EPHA7: variants seen among roughly 807,000 people sequenced by gnomAD.
EPHA7 encodes EPH receptor A7.
In EPHA7, 25 loss-of-function variants were observed where a neutral mutation model predicts 112.6. The observed-to-expected ratio is 0.22, with a 90% CI of 0.16 to 0.31. The LOEUF (loss-of-function observed/expected upper bound fraction) is 0.31, where lower values mean the gene tolerates loss of function less well. EPHA7 is among the 10% of genes least tolerant of loss of function. The pLI, the probability that EPHA7 is intolerant of heterozygous loss-of-function variation, is 1.00. For missense variants in EPHA7, 962 were observed against 1,212.6 expected (o/e 0.79, Z 3.07); for synonymous variants, 437 against 406.5 (o/e 1.07, Z -0.90).
At chr6:93,356,350 G>A (rs752401673) in intron 5 of EPHA7, among the ~76,000 whole-genome samples, 8 of 151,996 alleles carry the variant, frequency 5.3e-5, no homozygotes, top group Admixed American at 2.0e-4. Flanking sequence ...TGGGACTACA[G>A]GTGTGCACCA....
chr6:93,286,649 G>A (rs1772079505), intron 5 of EPHA7, among the ~76,000 whole-genome samples: 1 of 152,154 alleles, frequency 6.6e-6, no homozygotes, highest in African/African-American at 2.4e-5. Context: ...CCTAAGTGAA[G>A]GCACCAGATC....
intron 5 of EPHA7, among the ~76,000 whole-genome samples, chr6:93,317,448 TG>T (rs1235415636): frequency 6.6e-6 from 1 of 152,168 alleles, no homozygotes; most frequent in Non-Finnish European, 1.5e-5. Flanking sequence ...AGTTTTTTGA[TG>T]GCCTTGGTAT....
rs375417348 is a variant in EPHA7, at chr6:93,284,888, G to C, written c.1325-12466C>G. Among the ~76,000 whole-genome samples the C allele has an allele frequency of 1.0e-3, 154 of 152,140 alleles. 1 individual carries two copies. Among genetic ancestry groups the C allele is most frequent in the African/African-American group, 3.5e-3 (147 of 41,490 alleles). On this transcript the variant is annotated intron_variant, in intron 5 of 16. Coordinates refer to ENST00000369303, the MANE Select transcript of EPHA7 (RefSeq NM_004440.4). ...GGAGGGATAGCATTAGGAGAAATAC[G>C]TAATGTAGATGATGGGTTGATGGGT... is the stretch of plus-strand genomic sequence containing the variant.
chr6:93,264,551 C>A (rs1455433390), intron 8 of EPHA7, 43 bp downstream of exon 8: 2 of 1,279,234 alleles, frequency 1.6e-6, no homozygotes, highest in African/African-American at 1.5e-5. Flanking sequence ...TCTTAAAAAA[C>A]AATACATTTT....
At chr6:93,385,519 T>C (rs973012044) in intron 3 of EPHA7, among the ~76,000 whole-genome samples, 1 of 152,178 alleles carries the variant, frequency 6.6e-6, no homozygotes, top group East Asian at 1.9e-4. Context: ...AAAAACCCTA[T>C]ATTTATTAAC....
intron 9 of EPHA7, 119 bp from the exon 10 acceptor site, chr6:93,259,598 G>A: frequency 1.7e-6 from 2 of 1,193,472 alleles, no homozygotes; most frequent in South Asian, 1.4e-5. Context: ...CACATCACCT[G>A]ATTCACAGCA....
At chr6:93,342,350 A>G (rs922921734) in intron 5 of EPHA7, among the ~76,000 whole-genome samples, 1 of 151,746 alleles carries the variant, frequency 6.6e-6, no homozygotes, top group African/African-American at 2.4e-5. Flanking sequence ...CAATAGAAAA[A>G]CCATTAGGAC....
Position 93,290,732 on chromosome 6 carries a change from C to G in EPHA7, c.1325-18310G>C, listed in dbSNP as rs373116658. Among the ~76,000 whole-genome samples the G allele has an allele frequency of 8.5e-5, 13 of 152,254 alleles. No individual in the cohort carries two copies. In the South Asian group the frequency reaches 1.5e-3, roughly 17 times the overall value. Reference sequence around the variant, plus strand: ...AATGTTTGCTTGCTGAGATGTGAAGCAACACAGGGTATGAGTACCTTCCAT... The same window carrying G: ...AATGTTTGCTTGCTGAGATGTGAAGGAACACAGGGTATGAGTACCTTCCAT... On this transcript the variant is annotated intron_variant, in intron 5 of 16. Coordinates refer to ENST00000369303, the MANE Select transcript of EPHA7 (RefSeq NM_004440.4).
chr6:93,263,598 A>C (rs1582409655), intron 9 of EPHA7, among the ~76,000 whole-genome samples: 1 of 151,570 alleles, frequency 6.6e-6, no homozygotes, highest in Non-Finnish European at 1.5e-5. Context: ...ACTTGGGCAA[A>C]GTTTGCAAAA....
chr6:93,380,088 T>C (rs149445620), intron 3 of EPHA7, among the ~76,000 whole-genome samples: 177 of 152,164 alleles, frequency 1.2e-3, no homozygotes, highest in African/African-American at 4.1e-3. Flanking sequence ...CAGATTTCAT[T>C]CTCCAGCAAC....
At chr6:93,415,152 A>C (rs966624426) in intron 1 of EPHA7, among the ~76,000 whole-genome samples, 2 of 152,012 alleles carry the variant, frequency 1.3e-5, no homozygotes, top group African/African-American at 4.8e-5. Flanking sequence ...TATAATTCCT[A>C]TATTACTCTT....
chr6:93,279,111 G>A (rs1053844817), intron 5 of EPHA7, among the ~76,000 whole-genome samples: 11 of 152,062 alleles, frequency 7.2e-5, no homozygotes, highest in African/African-American at 2.4e-4. Flanking sequence ...ATACTAAAGC[G>A]TGAAAACTGA....
chr6:93,384,225 A>C (rs138953739), intron 3 of EPHA7, among the ~76,000 whole-genome samples: 72 of 152,176 alleles, frequency 4.7e-4, no homozygotes, highest in African/African-American at 1.5e-3. Flanking sequence ...CTACCTCCAT[A>C]ATGTGTCCCT....
intron 5 of EPHA7, among the ~76,000 whole-genome samples, chr6:93,300,897 A>G (rs935735452): frequency 2.6e-5 from 4 of 152,194 alleles, no homozygotes; most frequent in African/African-American, 9.7e-5. Flanking sequence ...AGCCTACTAC[A>G]CACCTAGGCT....
chr6:93,410,881 G>A lies in EPHA7; in HGVS notation c.452C>T (p.Ala151Val). 2 of 1,614,028 alleles carry A rather than the reference G, an allele frequency of 1.2e-6. No homozygotes were observed. Among genetic ancestry groups the A allele is most frequent in the Non-Finnish European group, 1.7e-6 (2 of 1,179,968 alleles). ...NLYVKIDTIA[A>V]DESFTQGDLG... The stretch of plus-strand genomic sequence containing the variant: ...GTCACCTTGGGTAAAACTTTCATCT[G>A]CAGCAATGGTGTCTATTTTTACATA... The change falls in exon 3 of 17, where the codon GCA becomes GTA. Residue 151 changes from alanine (A) to valine (V), a missense_variant. This residue lies in a region of EPHA7 where 160 missense variants were observed against 263.6 expected (regional missense o/e 0.61). Coordinates refer to ENST00000369303, the MANE Select transcript of EPHA7 (RefSeq NM_004440.4). The surrounding 1 kb of genome is among the most constrained non-coding windows in gnomAD (Gnocchi z 4.0).
chr6:93,264,641 C>A lies in EPHA7; in HGVS notation c.1695G>T (p.Gly565=), dbSNP rs763798433. 5.0e-6 allele frequency: 8 copies of A among 1,607,840 alleles called. No individual in the cohort carries two copies. The East Asian group carries it at 1.3e-4, about 27-fold the overall frequency. The part of the protein sequence containing the change: ...VIIIAVVAVA[G]TIILVFMVFG... ...AGACCATGAACACCAAAATGATGGTCCCAGCTACAGCAACCACAGCAATGA... is the reference window on the plus strand; with the variant it reads ...AGACCATGAACACCAAAATGATGGTACCAGCTACAGCAACCACAGCAATGA... The change falls in exon 8 of 17, where the codon GGG becomes GGT. Residue 565 remains glycine, a synonymous_variant. Transcript: ENST00000369303.
intron 14 of EPHA7, among the ~76,000 whole-genome samples, chr6:93,250,275 A>C (rs533079134): frequency 6.6e-6 from 1 of 152,258 alleles, no homozygotes; most frequent in East Asian, 1.9e-4. Flanking sequence ...GCAAAAACTG[A>C]ACTTTGAGGT....
chr6:93,387,916 T>TAGACAGAC (rs1554189075), intron 3 of EPHA7, among the ~76,000 whole-genome samples: 2 of 76,074 alleles, frequency 2.6e-5, no homozygotes, highest in Non-Finnish European at 5.3e-5. Flanking sequence ...CCATCTTAGA[T>TAGACAGAC]AGATAGACAG....
chr6:93,302,925 T>C (rs749247975), intron 5 of EPHA7, among the ~76,000 whole-genome samples: 2 of 152,096 alleles, frequency 1.3e-5, no homozygotes, highest in Non-Finnish European at 2.9e-5. Context: ...TAGCCAGTTC[T>C]TAATAGGGGC....
Sources: allele counts gnomAD v4.1 joint callset (sites outside exome capture counted in the v4.1 genomes callset), GRCh38; gene constraint gnomAD v4.1.1; regional missense constraint gnomAD v4.1.1; non-coding constraint Gnocchi (gnomAD v3.1); transcripts MANE v1.5; gene names NCBI Gene and HGNC (gene_info 2026-07-23, HGNC 2026-07-21).